The following FRMD4A variants were observed in gnomAD, a reference collection of about 807,000 sequenced individuals.
The protein encoded by FRMD4A is FERM domain-containing protein 4A.
In FRMD4A, 29 loss-of-function variants were observed where a neutral mutation model predicts 129.1. The observed-to-expected ratio is 0.22, with a 90% CI of 0.17 to 0.31. FRMD4A has a LOEUF of 0.31. Ranked by LOEUF, FRMD4A falls within the 10% of genes least tolerant of loss-of-function variation. FRMD4A has a pLI of 1.00. For missense variants in FRMD4A, 1,272 were observed against 1,375.8 expected, an observed-to-expected ratio of 0.92 and a Z score of 1.19; for synonymous variants, 634 against 571.6, an observed-to-expected ratio of 1.11 and a Z score of -1.56.
rs2093634537 is a variant in FRMD4A, at chr10:13,821,905, A to C, written c.112-10997T>G. 1.3e-5 allele frequency among the ~76,000 whole-genome samples: 2 copies of C among 152,176 alleles called. No individual in the cohort carries two copies. The highest frequency in any genetic ancestry group is 4.1e-4 in the South Asian group (2 of 4,820). On this transcript the variant is annotated intron_variant, in intron 3 of 24. Coordinates refer to ENST00000357447, the MANE Select transcript of FRMD4A (RefSeq NM_018027.5). The surrounding 1 kb of genome is among the most constrained non-coding windows in gnomAD (Gnocchi z 4.3). ...ACCAGCATAGGTGAGGTGGCCCCGA[A>C]GTGCCCGCCACACCTCCATCCTTTG...
At chr10:13,863,967 CAA>C (rs200643900) in intron 2 of FRMD4A, among the ~76,000 whole-genome samples, 1,940 of 152,094 alleles carry the variant, frequency 0.013, 15 homozygotes, top group Non-Finnish European at 0.021. Flanking sequence ...TAACGTTTGG[CAA>C]AGTCTTTTCT....
intron 2 of FRMD4A, among the ~76,000 whole-genome samples, chr10:14,068,196 G>A (rs147275138): frequency 1.1e-4 from 16 of 152,296 alleles, no homozygotes; most frequent in Non-Finnish European, 2.4e-4. Context: ...TCCAGGCTCA[G>A]AGCCAGGCTG....
chr10:14,075,217 T>C (rs1219581055), intron 2 of FRMD4A, among the ~76,000 whole-genome samples: 4 of 152,206 alleles, frequency 2.6e-5, no homozygotes, highest in South Asian at 2.1e-4. Flanking sequence ...TTCCTTCCAG[T>C]TGTAAGCACT....
At chr10:13,925,735 C>T (rs2095126633) in intron 2 of FRMD4A, among the ~76,000 whole-genome samples, 1 of 151,488 alleles carries the variant, frequency 6.6e-6, no homozygotes, top group South Asian at 2.1e-4. Context: ...AGGCACGCAC[C>T]ACCACGCCTG....
intron 3 of FRMD4A, among the ~76,000 whole-genome samples, chr10:13,855,364 C>T (rs1156335254): frequency 3.3e-5 from 5 of 152,148 alleles, no homozygotes; most frequent in Non-Finnish European, 7.3e-5. Flanking sequence ...GAGGTATAGC[C>T]TTTGATGAGT....
At chr10:14,200,092 A>G (rs537632472) in intron 2 of FRMD4A, among the ~76,000 whole-genome samples, 1 of 149,426 alleles carries the variant, frequency 6.7e-6, no homozygotes, top group African/African-American at 2.4e-5. Context: ...CAGTGGTGCA[A>G]TCACAGCTCA....
Position 14,229,666 on chromosome 10 carries a change from C to T in FRMD4A, c.45+100392G>A, listed in dbSNP as rs78137423. 3.7e-3 allele frequency among the ~76,000 whole-genome samples: 562 copies of T among 152,184 alleles called. 4 individuals are homozygous for T. The highest frequency in any genetic ancestry group is 0.012 in the African/African-American group (498 of 41,520). On this transcript the variant is annotated intron_variant, in intron 2 of 24. Coordinates refer to ENST00000357447, the MANE Select transcript of FRMD4A (RefSeq NM_018027.5). ...GTTGCCCAGGCTGGTCTTGAACTCGCGGGCACAAGCCGTCCTCCCACCTCA... is the reference window on the plus strand; with the variant it reads ...GTTGCCCAGGCTGGTCTTGAACTCGTGGGCACAAGCCGTCCTCCCACCTCA...
In FRMD4A at chr10:13,713,895, AATATATACATATATG is replaced by A. The variant is rs1227497020; in HGVS notation, c.760-6797_760-6783del. 4.7e-4 allele frequency among the ~76,000 whole-genome samples: 61 copies of A among 129,792 alleles called. 3 individuals carry two copies. The highest frequency in any genetic ancestry group is 1.7e-3 in the African/African-American group (59 of 33,806). 85.1% of individuals were successfully genotyped at this position (129,792 alleles called of 152,430 possible). Reference sequence around the variant, plus strand: ...ATATATGTAATATATATACATATATAATATATACATATATGTAATATATATACATATATAATATAT... The same window carrying A: ...ATATATGTAATATATATACATATATATAATATATATACATATATAATATAT... On this transcript the variant is annotated intron_variant, in intron 12 of 24. Coordinates refer to ENST00000357447, the MANE Select transcript of FRMD4A (RefSeq NM_018027.5).
At chr10:14,051,858 A>G (rs2131687612) in intron 2 of FRMD4A, among the ~76,000 whole-genome samples, 1 of 152,356 alleles carries the variant, frequency 6.6e-6, no homozygotes, top group East Asian at 1.9e-4. Flanking sequence ...GATCCACGGC[A>G]TTGCATTTGC....
intron 14 of FRMD4A, among the ~76,000 whole-genome samples, chr10:13,699,357 G>A (rs1463170414): frequency 6.6e-6 from 1 of 151,188 alleles, no homozygotes; most frequent in Admixed American, 6.6e-5. Context: ...GATTACAGGC[G>A]TGAGCCATGG....
intron 2 of FRMD4A, among the ~76,000 whole-genome samples, chr10:14,085,036 C>T (rs575375255): frequency 2.6e-5 from 4 of 152,308 alleles, no homozygotes; most frequent in South Asian, 2.1e-4. Flanking sequence ...ACAAACCCCT[C>T]GGGTACGCTC....
chr10:14,230,546 G>T (rs1325651455), intron 2 of FRMD4A, among the ~76,000 whole-genome samples: 1 of 152,210 alleles, frequency 6.6e-6, no homozygotes, highest in Admixed American at 6.5e-5. Flanking sequence ...GGCTGTGGCT[G>T]TACGATTGCT....
intron 2 of FRMD4A, among the ~76,000 whole-genome samples, chr10:14,311,565 A>ACCCCCCC (rs1846548902): frequency 1.4e-5 from 1 of 72,598 alleles, no homozygotes; most frequent in Non-Finnish European, 2.8e-5. Context: ...GGTACCCCCC[A>ACCCCCCC]CCCTCCCACC....
chr10:13,803,866 T>G (rs112843369), intron 4 of FRMD4A, among the ~76,000 whole-genome samples: 257 of 152,322 alleles, frequency 1.7e-3, no homozygotes, highest in African/African-American at 5.9e-3. Flanking sequence ...ACAGCTCCCA[T>G]CCTAAGCAAA....
At chr10:14,006,447 A>G (rs563082060) in intron 2 of FRMD4A, among the ~76,000 whole-genome samples, 7 of 152,368 alleles carry the variant, frequency 4.6e-5, no homozygotes, top group Middle Eastern at 3.4e-3. Context: ...AAATTAGTAA[A>G]CAATGACTAA....
At chr10:14,064,508 T>C (rs1436427843) in intron 2 of FRMD4A, among the ~76,000 whole-genome samples, 2 of 152,234 alleles carry the variant, frequency 1.3e-5, no homozygotes, top group Admixed American at 6.5e-5. Context: ...GCGTGAACTT[T>C]TCCAGGCTCT....
intron 12 of FRMD4A, among the ~76,000 whole-genome samples, chr10:13,736,027 CCTGTAATCCAG>C (rs1324215198): frequency 1.3e-5 from 2 of 152,140 alleles, no homozygotes; most frequent in African/African-American, 2.4e-5. Flanking sequence ...GTGGCAGGCG[CCTGTAATCCAG>C]CTACTGGAAA....
intron 2 of FRMD4A, among the ~76,000 whole-genome samples, chr10:14,160,082 C>G (rs1469561753): frequency 6.6e-6 from 1 of 151,990 alleles, no homozygotes; most frequent in African/African-American, 2.4e-5. Flanking sequence ...CTATAATGAT[C>G]TAAACATCAT....
At chr10:13,928,349 A>G (rs1416754926) in intron 2 of FRMD4A, among the ~76,000 whole-genome samples, 1 of 151,810 alleles carries the variant, frequency 6.6e-6, no homozygotes, top group Admixed American at 6.6e-5. Context: ...TTTTAAGTAG[A>G]AGAGAAAAAC....
Sources: allele counts gnomAD v4.1 joint callset (sites outside exome capture counted in the v4.1 genomes callset), GRCh38; gene constraint gnomAD v4.1.1; non-coding constraint Gnocchi (gnomAD v3.1); transcripts MANE v1.5; gene names NCBI Gene and HGNC (gene_info 2026-07-23, HGNC 2026-07-21).